DNAH1: variants seen among roughly 807,000 people sequenced by gnomAD.
The protein encoded by DNAH1 is dynein axonemal heavy chain 1.
DNAH1 carries 327 observed loss-of-function variants against 484.3 expected under a neutral mutation model. The ratio of observed to expected loss-of-function variants is 0.68; its 90% CI spans 0.62 to 0.74. DNAH1 has a LOEUF of 0.74. Among genes scored for constraint, DNAH1 ranks in the 30% least tolerant of loss-of-function variants. DNAH1 has a pLI of 0.00. For missense variants in DNAH1, 5,052 were observed against 5,546.8 expected, an observed-to-expected ratio of 0.91 and a Z score of 2.83; for synonymous variants, 2,192 against 2,191.9, an observed-to-expected ratio of 1.00 and a Z score of 0.00.
chr3:52,373,768 G>A (rs945796687), intron 44 of DNAH1: 6 of 1,419,018 alleles, frequency 4.2e-6, no homozygotes, highest in South Asian at 3.5e-5. Flanking sequence ...GAATTAAAAC[G>A]AGCTGCTTTA....
chr3:52,323,603 A>G (rs1329219868), intron 2 of DNAH1, among the ~76,000 whole-genome samples: 4 of 152,200 alleles, frequency 2.6e-5, no homozygotes, highest in African/African-American at 7.2e-5. Flanking sequence ...GGGTGGGGCC[A>G]GGAAGTCCTG....
At chr3:52,374,351 C>A in intron 44 of DNAH1, 4 of 1,487,988 alleles carry the variant, frequency 2.7e-6, no homozygotes, top group Non-Finnish European at 3.8e-6. Context: ...GTGTCTACCA[C>A]CCCCAGCTGG....
In DNAH1 at chr3:52,399,115, T is replaced by C. The variant is rs779648094; in HGVS notation, c.12355T>C (p.Phe4119Leu). Residue 4119 changes from phenylalanine to leucine, a missense_variant, in exon 76 of 78, where the codon TTC becomes CTC. Around this residue, in one of 4 missense-constraint regions of DNAH1, gnomAD observed 853 missense variants for 899.0 expected, o/e 0.95. Transcript: ENST00000420323. ...TGTCTTCTGGATCAGTGGATTCTTC[T>C]TCCCCCAGGCTTTCTTAACAGGCAC... Reference protein sequence around the residue: ...PAVFWISGFFFPQAFLTGTLQ... With the variant: ...PAVFWISGFFLPQAFLTGTLQ... 9 of 1,614,072 alleles carry C rather than the reference T, an allele frequency of 5.6e-6. No homozygotes were observed. In the East Asian group the frequency reaches 2.0e-4, roughly 36 times the overall value.
At chr3:52,323,760 G>A in intron 2 of DNAH1, 48 bp from the exon 3 acceptor site, 2 of 1,516,510 alleles carry the variant, frequency 1.3e-6, no homozygotes, top group East Asian at 2.4e-5. Context: ...GGTCCTGCCT[G>A]TCCCTGGGAG....
intron 3 of DNAH1, among the ~76,000 whole-genome samples, chr3:52,324,797 C>T (rs1233097387): frequency 6.6e-6 from 1 of 152,108 alleles, no homozygotes; most frequent in African/African-American, 2.4e-5. Flanking sequence ...CCACACATGG[C>T]AGGGTGGGCT....
At position 52,368,876 on chromosome 3, in the gene DNAH1, G is replaced by C. The variant is rs372182819; in HGVS notation, c.5901G>C (p.Lys1967Asn). The change falls in exon 37 of 78, where the codon AAG (lysine) becomes AAC (asparagine). Residue 1967 changes from lysine to asparagine, a missense_variant. Lys to Asn is a moderately conservative substitution (Grantham distance 94). Around this residue, in one of 4 missense-constraint regions of DNAH1, gnomAD observed 2,929 missense variants for 3,409.4 expected, o/e 0.86. Transcript: ENST00000420323. The surrounding 1 kb of genome is among the most constrained non-coding windows in gnomAD (Gnocchi z 4.4). ...ENMNTVLDDN[K>N]KLCLSSGEII... ...TGAACACGGTGCTGGATGACAACAA[G>C]AAGCTGTGCCTCAGCTCTGGGGAGA... is the stretch of plus-strand genomic sequence containing the variant. 4 of 1,613,920 alleles carry C rather than the reference G, an allele frequency of 2.5e-6. No individual in the cohort carries two copies. The highest frequency in any genetic ancestry group is 2.7e-5 in the African/African-American group (2 of 74,940).
Position 52,364,772 on chromosome 3 carries a change from CCTGGGCAGCTGGAGGGCAGCTGGCCCA to C in DNAH1, c.5331+52_5332-31del. 1 of 1,606,670 alleles carries C rather than the reference CCTGGGCAGCTGGAGGGCAGCTGGCCCA, an allele frequency of 6.2e-7. No homozygotes were observed. Among genetic ancestry groups the C allele is most frequent in the Non-Finnish European group, 8.5e-7 (1 of 1,175,324 alleles). On this transcript the variant is annotated intron_variant, in intron 33 of 77. Coordinates refer to ENST00000420323, the MANE Select transcript of DNAH1 (RefSeq NM_015512.5). The surrounding 1 kb of genome is among the most constrained non-coding windows in gnomAD (Gnocchi z 4.2). ...CCAGGAGTGGAACTCTGGGAGGGCT[CCTGGGCAGCTGGAGGGCAGCTGGCCCA>C]CTGCCCTGAAGGCTCAGCCGGCACC... is the stretch of plus-strand genomic sequence containing the variant.
At chr3:52,393,689 A>T (rs561200529) in intron 66 of DNAH1, among the ~76,000 whole-genome samples, 1 of 152,326 alleles carries the variant, frequency 6.6e-6, no homozygotes, top group East Asian at 1.9e-4. Flanking sequence ...AGGCCGAGGC[A>T]GATGGATCAC....
chr3:52,356,575 A>C, intron 21 of DNAH1, 39 bp from the exon 22 acceptor site: 4 of 1,604,910 alleles, frequency 2.5e-6, no homozygotes, highest in Middle Eastern at 2.2e-4. Context: ...GGACCCTGAC[A>C]GTCCATATCA....
chr3:52,353,181 T>C lies in DNAH1; in HGVS notation c.3106T>C (p.Trp1036Arg), dbSNP rs780713964. The change falls in exon 19 of 78, where the codon TGG (tryptophan) becomes CGG (arginine). Residue 1036 changes from tryptophan to arginine, a missense_variant. Transcript: ENST00000420323. This position sits in a 1 kb window ranked among gnomAD's most constrained non-coding sequence, Gnocchi z 5.0. ...GACCACAGCGTCTGACTGGCTGCGC[T>C]GGTCGGAGAGCTGGATGAATGACCC... ...LWTTASDWLRWSESWMNDPLS... is the reference protein window; with the variant it reads ...LWTTASDWLRRSESWMNDPLS... 1.2e-6 allele frequency: 2 copies of C among 1,613,972 alleles called. No homozygotes were observed. Among genetic ancestry groups the C allele is most frequent in the Non-Finnish European group, 8.5e-7 (1 of 1,179,872 alleles).
chr3:52,352,443 C>T, intron 17 of DNAH1, 109 bp from the exon 18 acceptor site: 6 of 1,422,672 alleles, frequency 4.2e-6, no homozygotes, highest in Non-Finnish European at 5.7e-6. Context: ...CTCCTTAGAA[C>T]TCGGAGGAGT....
At position 52,362,373 on chromosome 3, in the gene DNAH1, C is replaced by T; in HGVS notation, c.4981-15C>T. On this transcript the variant is annotated splice_polypyrimidine_tract_variant and intron_variant, in intron 30 of 77. Coordinates refer to ENST00000420323, the MANE Select transcript of DNAH1 (RefSeq NM_015512.5). This position sits in a 1 kb window ranked among gnomAD's most constrained non-coding sequence, Gnocchi z 5.1. ...GCACCCTAGTCCCAGGCAAGTCAGC[C>T]TCTCCCCACTGCAGGTGGAACGCTT... 6.2e-7 allele frequency: 1 copy of T among 1,610,272 alleles called. No individual in the cohort carries two copies. Among genetic ancestry groups the T allele is most frequent in the Non-Finnish European group, 8.5e-7 (1 of 1,178,048 alleles).
rs1445739347 is a variant in DNAH1, at chr3:52,384,033, TG to T, written c.8322+5del. The T allele has an allele frequency of 1.3e-6, 2 of 1,596,286 alleles. No homozygotes were observed. Among genetic ancestry groups the T allele is most frequent in the East Asian group, 4.5e-5 (2 of 44,306 alleles). On this transcript the variant is annotated splice_donor_region_variant and intron_variant, in intron 52 of 77. Coordinates refer to ENST00000420323, the MANE Select transcript of DNAH1 (RefSeq NM_015512.5). ...TCCCAGGAAGAAATCCAAGGACTGG[TG>T]GGTGTCTTGCTGAAGCTCAGGCCCT... is the stretch of plus-strand genomic sequence containing the variant.
chr3:52,392,556 A>G lies in DNAH1; in HGVS notation c.10145A>G (p.Lys3382Arg), dbSNP rs769468891. 6.8e-6 allele frequency: 11 copies of G among 1,614,020 alleles called. No individual in the cohort carries two copies. The highest frequency in any genetic ancestry group is 9.3e-6 in the Non-Finnish European group (11 of 1,179,884). ...AKNQLIISNAKMRQELKDIED... is the reference protein window; with the variant it reads ...AKNQLIISNARMRQELKDIED... Reference sequence around the variant, plus strand: ...AACCAGCTGATTATCAGTAATGCCAAGATGCGCCAGGAGCTGAAGGACATT... The same window carrying G: ...AACCAGCTGATTATCAGTAATGCCAGGATGCGCCAGGAGCTGAAGGACATT... The change falls in exon 64 of 78, where the codon AAG becomes AGG. Residue 3382 changes from lysine to arginine, a missense_variant. By Grantham distance (26) the Lys-to-Arg change is conservative (BLOSUM62 2). Coordinates refer to ENST00000420323, the MANE Select transcript of DNAH1 (RefSeq NM_015512.5).
In DNAH1 at chr3:52,397,092, G is replaced by T. The variant is rs559142216; in HGVS notation, c.11787+48G>T. 5.3e-6 allele frequency: 8 copies of T among 1,517,052 alleles called. No homozygotes were observed. In the African/African-American group the frequency reaches 1.1e-4, roughly 21 times the overall value. The allele number at this position is 1,517,052 out of a possible 1,614,324, so 94.0% of individuals were successfully genotyped here. ...CACAGGAGGGGCCTGCCAGCCTGGGGTTCTGGGGTACCATGAGCACCTTGG... is the reference window on the plus strand; with the variant it reads ...CACAGGAGGGGCCTGCCAGCCTGGGTTTCTGGGGTACCATGAGCACCTTGG... On this transcript the variant is annotated intron_variant, in intron 73 of 77. Coordinates refer to ENST00000420323, the MANE Select transcript of DNAH1 (RefSeq NM_015512.5).
At chr3:52,313,062 C>T (rs1046716314), upstream of DNAH1, among the ~76,000 whole-genome samples, 15 of 152,200 alleles carry the variant, frequency 9.9e-5, no homozygotes, top group African/African-American at 2.9e-4. Flanking sequence ...GCTGGGATTA[C>T]AGGCATGAGC....
chr3:52,373,721 CTT>C, intron 44 of DNAH1: 1 of 1,380,742 alleles, frequency 7.2e-7, no homozygotes, highest in Admixed American at 1.7e-5. Flanking sequence ...TCCTTTTTGA[CTT>C]TGTTTCTGAT....
chr3:52,395,116 C>T lies in DNAH1; in HGVS notation c.10968+57C>T. 6.4e-7 allele frequency: 1 copy of T among 1,564,340 alleles called. No homozygotes were observed. The highest frequency in any genetic ancestry group is 8.7e-7 in the Non-Finnish European group (1 of 1,153,516). On this transcript the variant is annotated intron_variant, in intron 68 of 77. Transcript: ENST00000420323. This position sits in a 1 kb window ranked among gnomAD's most constrained non-coding sequence, Gnocchi z 4.4. Reference sequence around the variant, plus strand: ...CTTGAGCTTGTCCCCACCCTGGGTCCCAGGGCCCTGGCTGCATCTGGATAG... The same window carrying T: ...CTTGAGCTTGTCCCCACCCTGGGTCTCAGGGCCCTGGCTGCATCTGGATAG...
At chr3:52,349,477 A>G in intron 14 of DNAH1, 57 bp downstream of exon 14, 1 of 1,506,044 alleles carries the variant, frequency 6.6e-7, no homozygotes, top group Non-Finnish European at 9.2e-7. Context: ...ACAGCAGCAC[A>G]CACGGACCCT....
Sources: gnomAD v4.1 joint callset for allele counts (sites outside exome capture counted in the v4.1 genomes callset) on GRCh38, gnomAD v4.1.1 for gene constraint, gnomAD v4.1.1 regional missense constraint, Gnocchi (gnomAD v3.1) non-coding constraint, MANE v1.5 for transcripts, NCBI Gene and HGNC (gene_info 2026-07-23, HGNC 2026-07-21) for gene names.